Variants in DYM observed in about 807,000 individuals in gnomAD.
The protein encoded by DYM is dymeclin.
A neutral mutation model predicts 93.1 loss-of-function variants in DYM; 78 were observed. The ratio of observed to expected loss-of-function variants is 0.84; its 90% CI spans 0.70 to 1.01. The LOEUF (loss-of-function observed/expected upper bound fraction) is 1.01. DYM is among the 50% of genes least tolerant of loss of function. DYM has a pLI of 0.00. For missense variants in DYM, 789 were observed against 845.0 expected (o/e 0.93, Z 0.82); for synonymous variants, 321 against 319.7 (o/e 1.00, Z -0.04).
intron 3 of DYM, among the ~76,000 whole-genome samples, chr18:49,389,311 T>TA (rs1161588374): frequency 1.3e-5 from 2 of 152,034 alleles, no homozygotes; most frequent in Non-Finnish European, 1.5e-5. Context: ...TGTGTGTGTG[T>TA]GTCTGTGTGT....
intron 15 of DYM, among the ~76,000 whole-genome samples, chr18:49,143,218 T>C (rs1323848738): frequency 6.6e-6 from 1 of 152,222 alleles, no homozygotes; most frequent in Non-Finnish European, 1.5e-5. Flanking sequence ...AGGTAACTAC[T>C]AACCAACACA....
intron 13 of DYM, among the ~76,000 whole-genome samples, chr18:49,210,656 C>T (rs1252103328): frequency 6.6e-6 from 1 of 152,114 alleles, no homozygotes; most frequent in Admixed American, 6.6e-5. Flanking sequence ...AAAGAATATA[C>T]AACACCAAGA....
At chr18:49,352,340 TAGAA>T (rs1308324900) in intron 6 of DYM, among the ~76,000 whole-genome samples, 2 of 152,214 alleles carry the variant, frequency 1.3e-5, no homozygotes, top group Non-Finnish European at 2.9e-5. Flanking sequence ...TTGTAGAAGT[TAGAA>T]AGCTGAATTT....
chr18:49,056,377 T>C (rs1465625768), intron 17 of DYM, among the ~76,000 whole-genome samples: 1 of 152,178 alleles, frequency 6.6e-6, no homozygotes, highest in African/African-American at 2.4e-5. Flanking sequence ...TGATCAGAAA[T>C]CAAACAGGAT....
chr18:49,089,991 A>G (rs1383301494), intron 17 of DYM, among the ~76,000 whole-genome samples: 2 of 152,174 alleles, frequency 1.3e-5, no homozygotes, highest in African/African-American at 4.8e-5. Context: ...AAGCTGTACC[A>G]ACATCCTGCA....
At chr18:49,056,493 T>A (rs2075494662) in intron 17 of DYM, among the ~76,000 whole-genome samples, 3 of 152,206 alleles carry the variant, frequency 2.0e-5, no homozygotes, top group Non-Finnish European at 4.4e-5. Context: ...TGAATCTCCA[T>A]TAATAAAAGC....
chr18:49,183,364 C>T (rs889715355), intron 14 of DYM, among the ~76,000 whole-genome samples: 1 of 152,142 alleles, frequency 6.6e-6, no homozygotes, highest in Admixed American at 6.5e-5. Flanking sequence ...ACAAACACCA[C>T]AAGGCAGTCC....
intron 13 of DYM, among the ~76,000 whole-genome samples, chr18:49,230,562 G>C (rs555978214): frequency 6.6e-6 from 1 of 152,250 alleles, no homozygotes; most frequent in African/African-American, 2.4e-5. Context: ...ATAAGTTCCT[G>C]AGAAAAGCTT....
chr18:49,313,314 T>C (rs1407179340), intron 8 of DYM, among the ~76,000 whole-genome samples: 2 of 151,276 alleles, frequency 1.3e-5, no homozygotes, highest in Non-Finnish European at 2.9e-5. Context: ...AAATACAAAA[T>C]TAACTGGGCG....
chr18:49,068,482 G>A (rs531874759), intron 17 of DYM, among the ~76,000 whole-genome samples: 2 of 152,204 alleles, frequency 1.3e-5, no homozygotes, highest in Admixed American at 6.5e-5. Context: ...ATGGAGAAGG[G>A]GCACAGTTTG....
intron 11 of DYM, among the ~76,000 whole-genome samples, chr18:49,258,993 C>A (rs369950959): frequency 9.2e-5 from 12 of 130,960 alleles, no homozygotes; most frequent in African/African-American, 1.7e-4. Flanking sequence ...AAAAAAAAAA[C>A]AAACCAACAG....
At position 49,209,541 on chromosome 18, in the gene DYM, G is replaced by T; in HGVS notation, c.1625+10C>A. The T allele has an allele frequency of 7.8e-7, 1 of 1,288,392 alleles. No homozygotes were observed. Among genetic ancestry groups the T allele is most frequent in the Non-Finnish European group, 1.0e-6 (1 of 988,108 alleles). The allele number at this position is 1,288,392 out of a possible 1,614,324, so 79.8% of individuals were successfully genotyped here. ...CAGCATGCAGTAAATGGACAGCAGA[G>T]GTTAATAACCTGGAAGCATAGGATC... On this transcript the variant is annotated intron_variant, in intron 14 of 17. Transcript: ENST00000675505.
chr18:49,063,006 A>G (rs891195299), intron 17 of DYM, among the ~76,000 whole-genome samples: 1 of 152,254 alleles, frequency 6.6e-6, no homozygotes, highest in Admixed American at 6.5e-5. Context: ...ATATTTTGCC[A>G]TGATCGGTTT....
chr18:49,167,053 T>C (rs536955232), intron 14 of DYM, among the ~76,000 whole-genome samples: 2 of 150,838 alleles, frequency 1.3e-5, no homozygotes, highest in East Asian at 3.9e-4. Flanking sequence ...TGTCCCCTAT[T>C]AGTGCACTAT....
chr18:49,325,338 A>C (rs550381634), intron 8 of DYM, among the ~76,000 whole-genome samples: 1 of 152,292 alleles, frequency 6.6e-6, no homozygotes, highest in Non-Finnish European at 1.5e-5. Flanking sequence ...ACAGTCAAAA[A>C]ATCCCTAGTT....
chr18:49,163,303 G>T (rs1303096857), intron 15 of DYM, among the ~76,000 whole-genome samples: 1 of 152,126 alleles, frequency 6.6e-6, no homozygotes, highest in Non-Finnish European at 1.5e-5. Flanking sequence ...CTTGAGAAGA[G>T]AGGGGTAATG....
In DYM at chr18:49,410,515, CAAA is replaced by C. The variant is rs113670754; in HGVS notation, c.141-18873_141-18871del. Among the ~76,000 whole-genome samples, 4 of 139,096 alleles carry C rather than the reference CAAA, an allele frequency of 2.9e-5. No individual in the cohort carries two copies. In the East Asian group the frequency reaches 6.1e-4, roughly 21 times the overall value. The allele number at this position is 139,096 out of a possible 152,430, so 91.3% of individuals were successfully genotyped here. On this transcript the variant is annotated intron_variant, in intron 2 of 17. Coordinates refer to ENST00000675505, the MANE Select transcript of DYM (RefSeq NM_001353214.3). ...TGGTTGTATAATAACACCACAACCT[CAAA>C]AAAAAAAAAAGTCTTATTATATACA...
intron 15 of DYM, among the ~76,000 whole-genome samples, chr18:49,149,018 C>G (rs1198811449): frequency 6.6e-6 from 1 of 152,152 alleles, no homozygotes; most frequent in Non-Finnish European, 1.5e-5. Flanking sequence ...GAGCCCTGAG[C>G]TTGTTATTCT....
At chr18:49,172,373 C>A (rs543146545) in intron 14 of DYM, among the ~76,000 whole-genome samples, 2 of 152,258 alleles carry the variant, frequency 1.3e-5, no homozygotes, top group Non-Finnish European at 2.9e-5. Context: ...AGTAAGATTG[C>A]TGGATTGTAT....
Sources: allele counts gnomAD v4.1 joint callset (sites outside exome capture counted in the v4.1 genomes callset), GRCh38; gene constraint gnomAD v4.1.1; transcripts MANE v1.5; gene names NCBI Gene and HGNC (gene_info 2026-07-23, HGNC 2026-07-21).